RAD51B: variants seen among roughly 807,000 people sequenced by gnomAD.
The protein encoded by RAD51B is RAD51 paralog B.
A neutral mutation model predicts 42.2 loss-of-function variants in RAD51B; 38 were observed. The ratio of observed to expected loss-of-function variants is 0.90; its 90% CI spans 0.70 to 1.18. RAD51B has a LOEUF of 1.18. Ranked by LOEUF, RAD51B falls within the 50% of genes most tolerant of loss-of-function variation. The pLI is 0.00. For missense variants in RAD51B, 373 were observed against 400.7 expected, an observed-to-expected ratio of 0.93 and a Z score of 0.59; for synonymous variants, 154 against 145.2, an observed-to-expected ratio of 1.06 and a Z score of -0.43.
intron 8 of RAD51B, among the ~76,000 whole-genome samples, chr14:68,394,062 C>CAGGA (rs1406380514): frequency 1.3e-5 from 2 of 152,106 alleles, no homozygotes; most frequent in Non-Finnish European, 2.9e-5. Context: ...CTTTAGTCGG[C>CAGGA]AGGAGCAGGG....
intron 8 of RAD51B, among the ~76,000 whole-genome samples, chr14:68,358,017 TAG>T (rs1011963583): frequency 1.3e-5 from 2 of 152,172 alleles, no homozygotes; most frequent in Non-Finnish European, 2.9e-5. Flanking sequence ...TCTCAGGAAA[TAG>T]AGAGGCCTGA....
intron 7 of RAD51B, among the ~76,000 whole-genome samples, chr14:67,995,634 G>C (rs943084470): frequency 4.2e-5 from 6 of 142,928 alleles, no homozygotes; most frequent in Admixed American, 1.4e-4. Flanking sequence ...TTTCTTTTGA[G>C]ACGGAGTCTC....
At chr14:68,039,426 C>CAAAA in intron 7 of RAD51B, among the ~76,000 whole-genome samples, 1 of 63,814 alleles carries the variant, frequency 1.6e-5, no homozygotes, top group Non-Finnish European at 3.6e-5. Context: ...GACTTCATTC[C>CAAAA]AAAAAAAAAA....
intron 5 of RAD51B, among the ~76,000 whole-genome samples, chr14:67,875,105 G>C (rs2140022389): frequency 6.6e-6 from 1 of 152,214 alleles, no homozygotes; most frequent in Admixed American, 6.5e-5. Context: ...AACCTGAGGA[G>C]GTAGGATATA....
chr14:68,304,031 G>A (rs891778778), intron 8 of RAD51B, among the ~76,000 whole-genome samples: 1 of 152,148 alleles, frequency 6.6e-6, no homozygotes, highest in Non-Finnish European at 1.5e-5. Flanking sequence ...TTAGCTGGAT[G>A]TGATGGTGCA....
At chr14:68,643,543 TA>T (rs1337253300) in intron 10 of RAD51B, among the ~76,000 whole-genome samples, 6 of 152,210 alleles carry the variant, frequency 3.9e-5, no homozygotes, top group Non-Finnish European at 7.3e-5. Context: ...GTGCTTTAGC[TA>T]AACCATTCTA....
At chr14:68,184,617 A>AC (rs1197249425) in intron 7 of RAD51B, among the ~76,000 whole-genome samples, 8 of 58,658 alleles carry the variant, frequency 1.4e-4, no homozygotes, top group Non-Finnish European at 3.3e-4. Context: ...CTAAAAAAAA[A>AC]AAAAAACCAA....
At chr14:67,840,888 G>T (rs2041404991) in intron 4 of RAD51B, among the ~76,000 whole-genome samples, 1 of 151,116 alleles carries the variant, frequency 6.6e-6, no homozygotes, top group Non-Finnish European at 1.5e-5. Context: ...TGCAACCTCT[G>T]CCTCCCAGGT....
At chr14:68,422,161 G>C in intron 9 of RAD51B, 2 of 1,301,566 alleles carry the variant, frequency 1.5e-6, no homozygotes, top group Non-Finnish European at 2.2e-6. Flanking sequence ...GCTCGCTGTC[G>C]ACGGCAAATT....
chr14:68,679,179 C>A (rs1283444477), intron 11 of RAD51B, among the ~76,000 whole-genome samples: 4 of 152,230 alleles, frequency 2.6e-5, no homozygotes, highest in Admixed American at 2.6e-4. Flanking sequence ...GCACCAGGTC[C>A]TTTGCACCTA....
chr14:67,995,872 C>A (rs1393620372), intron 7 of RAD51B, among the ~76,000 whole-genome samples: 2 of 152,058 alleles, frequency 1.3e-5, no homozygotes, highest in African/African-American at 4.8e-5. Flanking sequence ...CCGCCTTGGC[C>A]TCCCAATGTG....
intron 7 of RAD51B, among the ~76,000 whole-genome samples, chr14:68,000,760 G>A (rs551602938): frequency 5.3e-4 from 80 of 152,176 alleles, no homozygotes; most frequent in Admixed American, 1.7e-3. Context: ...TGATGAGACC[G>A]GAAATGAGAA....
intron 8 of RAD51B, among the ~76,000 whole-genome samples, chr14:68,399,005 G>A (rs2084007257): frequency 6.6e-6 from 1 of 152,158 alleles, no homozygotes. Context: ...TTGGGATGGG[G>A]CCTAGGATTC....
At chr14:68,557,157 G>T (rs920152031) in intron 10 of RAD51B, among the ~76,000 whole-genome samples, 2 of 152,160 alleles carry the variant, frequency 1.3e-5, no homozygotes, top group African/African-American at 4.8e-5. Flanking sequence ...ACATGGGTTA[G>T]CTGTTGCACC....
chr14:68,474,615 C>A (rs1042872605), intron 10 of RAD51B, among the ~76,000 whole-genome samples: 1 of 152,208 alleles, frequency 6.6e-6, no homozygotes, highest in African/African-American at 2.4e-5. Context: ...TCAGCCTGGG[C>A]TCCTAAGATT....
chr14:68,195,484 T>C (rs982420671), intron 7 of RAD51B, among the ~76,000 whole-genome samples: 3 of 152,248 alleles, frequency 2.0e-5, no homozygotes, highest in South Asian at 4.1e-4. Flanking sequence ...GACCTACAAT[T>C]AAAAAATACA....
chr14:68,460,641 C>T (rs1439685528), intron 9 of RAD51B, among the ~76,000 whole-genome samples: 7 of 152,152 alleles, frequency 4.6e-5, no homozygotes, highest in South Asian at 2.1e-4. Flanking sequence ...TAGAAGGTGT[C>T]GCCATCCTGG....
chr14:68,214,741 G>A (rs979148367), intron 7 of RAD51B, among the ~76,000 whole-genome samples: 1 of 152,198 alleles, frequency 6.6e-6, no homozygotes, highest in African/African-American at 2.4e-5. Context: ...CAGAATAGAA[G>A]AGGCCAACTT....
intron 5 of RAD51B, among the ~76,000 whole-genome samples, chr14:67,878,079 T>C (rs568316403): frequency 4.2e-4 from 64 of 152,330 alleles, no homozygotes; most frequent in African/African-American, 1.5e-3. Flanking sequence ...TTTCCTAATA[T>C]AGTTATAGTT....
Sources: gnomAD v4.1 joint callset for allele counts (sites outside exome capture counted in the v4.1 genomes callset) on GRCh38, gnomAD v4.1.1 for gene constraint, MANE v1.5 for transcripts, NCBI Gene and HGNC (gene_info 2026-07-23, HGNC 2026-07-21) for gene names.